The following OSBPL2 variants were observed in gnomAD, a reference collection of about 807,000 sequenced individuals.
The protein encoded by OSBPL2 is oxysterol-binding protein-related protein 2.
OSBPL2 carries 18 observed loss-of-function variants against 58.4 expected under a neutral mutation model. The ratio of observed to expected loss-of-function variants is 0.31; its 90% CI spans 0.21 to 0.46. The LOEUF (loss-of-function observed/expected upper bound fraction) is 0.46. OSBPL2 is among the 20% of genes least tolerant of loss of function. The pLI is 1.00. For missense variants in OSBPL2, 461 were observed against 616.5 expected, an observed-to-expected ratio of 0.75 and a Z score of 2.67; for synonymous variants, 221 against 234.1, an observed-to-expected ratio of 0.94 and a Z score of 0.51.
chr20:62,291,937 C>CACACCTGGGGACGGGGGGGAGG (rs1983550226), intron 13 of OSBPL2, 144 bp downstream of exon 13: 1 of 585,792 alleles, frequency 1.7e-6, no homozygotes, highest in Non-Finnish European at 3.0e-6. Context: ...CCTTCTCTCA[C>CACACCTGGGGACGGGGGGGAGG]CCCCACACCC....
At chr20:62,276,806 T>C (rs539109492) in intron 6 of OSBPL2, among the ~76,000 whole-genome samples, 1 of 152,204 alleles carries the variant, frequency 6.6e-6, no homozygotes, top group Non-Finnish European at 1.5e-5. Flanking sequence ...TCTGAATTCA[T>C]GTAGAGTGTG....
chr20:62,283,625 A>T (rs1232458437), intron 9 of OSBPL2, among the ~76,000 whole-genome samples: 1 of 152,158 alleles, frequency 6.6e-6, no homozygotes, highest in Non-Finnish European at 1.5e-5. Flanking sequence ...CAACACATTG[A>T]GTGTGTTGAA....
chr20:62,272,301 G>A (rs199933202), intron 5 of OSBPL2, 42 bp downstream of exon 5: 76 of 1,602,040 alleles, frequency 4.7e-5, no homozygotes, highest in Non-Finnish European at 6.0e-5. Flanking sequence ...TCATGAAAGT[G>A]ATGCCCCTTG....
chr20:62,291,374 G>C, intron 12 of OSBPL2: 2 of 386,100 alleles, frequency 5.2e-6, no homozygotes, highest in Non-Finnish European at 1.0e-5. Context: ...CTGAGCGCCT[G>C]CTCGCACACC....
At chr20:62,264,510 C>G (rs1460607674) in intron 4 of OSBPL2, 3 of 152,254 alleles carry the variant, frequency 2.0e-5, no homozygotes, top group African/African-American at 7.2e-5. Flanking sequence ...ATACGTGTCA[C>G]TCTTGCCCAG....
chr20:62,254,175 C>A (rs1980764568), intron 1 of OSBPL2, among the ~76,000 whole-genome samples: 1 of 152,206 alleles, frequency 6.6e-6, no homozygotes, highest in African/African-American at 2.4e-5. Context: ...ACAGTCCCAC[C>A]ACCTCTCAAA....
intron 4 of OSBPL2, among the ~76,000 whole-genome samples, chr20:62,264,175 A>G (rs1417415832): frequency 2.6e-5 from 4 of 152,188 alleles, no homozygotes; most frequent in African/African-American, 7.2e-5. Context: ...GGTGTTCTGT[A>G]GGTGAAACGG....
chr20:62,275,959 G>T (rs1400096701), intron 6 of OSBPL2, among the ~76,000 whole-genome samples: 1 of 149,578 alleles, frequency 6.7e-6, no homozygotes, highest in Non-Finnish European at 1.5e-5. Context: ...GCCCAGGCTG[G>T]AGGGCAGTGG....
intron 1 of OSBPL2, among the ~76,000 whole-genome samples, chr20:62,255,412 G>A (rs774162204): frequency 2.6e-5 from 4 of 151,364 alleles, no homozygotes; most frequent in African/African-American, 9.7e-5. Flanking sequence ...CACACCCTGC[G>A]CCCATGACTT....
intron 13 of OSBPL2, among the ~76,000 whole-genome samples, chr20:62,292,237 G>T (rs1443008522): frequency 6.6e-6 from 1 of 152,256 alleles, no homozygotes; most frequent in Non-Finnish European, 1.5e-5. Flanking sequence ...AACACAGCTG[G>T]TGAGTGTATG....
intron 6 of OSBPL2, among the ~76,000 whole-genome samples, chr20:62,277,350 C>G (rs1195267437): frequency 6.6e-6 from 1 of 152,270 alleles, no homozygotes; most frequent in Non-Finnish European, 1.5e-5. Flanking sequence ...GCCGCCTGGG[C>G]TGGGTAGAGC....
At chr20:62,239,572 T>A (rs1381116871) in intron 1 of OSBPL2, among the ~76,000 whole-genome samples, 1 of 152,224 alleles carries the variant, frequency 6.6e-6, no homozygotes, top group African/African-American at 2.4e-5. Flanking sequence ...CCGGAACACC[T>A]GGAGAAGGGG....
chr20:62,294,188 T>A lies in OSBPL2; in HGVS notation c.*301T>A. 2.2e-6 allele frequency: 1 copy of A among 458,266 alleles called. No individual in the cohort carries two copies. 28.4% of individuals were successfully genotyped at this position (458,266 alleles called of 1,614,324 possible). A position where few individuals can be genotyped will look rare whatever the true frequency, so the allele number is the denominator to read the frequency against. Reference sequence around the variant, plus strand: ...GAAATCAGCTGGGGCTTGTTTAGCTTCCAGCACACTCTCAGTCATAGCATG... The same window carrying A: ...GAAATCAGCTGGGGCTTGTTTAGCTACCAGCACACTCTCAGTCATAGCATG... On this transcript the variant is annotated 3_prime_UTR_variant, in exon 14 of 14. Coordinates refer to ENST00000313733, the MANE Select transcript of OSBPL2 (RefSeq NM_144498.4).
At chr20:62,261,336 A>AAG (rs397742281) in intron 3 of OSBPL2, among the ~76,000 whole-genome samples, 72 of 149,450 alleles carry the variant, frequency 4.8e-4, no homozygotes, top group Non-Finnish European at 3.9e-4. Flanking sequence ...AAAAAAAAAA[A>AAG]GGCACAAAGG....
intron 1 of OSBPL2, chr20:62,242,285 G>A (rs976456401): frequency 2.0e-5 from 3 of 152,226 alleles, no homozygotes; most frequent in African/African-American, 2.4e-5. Context: ...CACTGTTTGC[G>A]TGAACTTTTT....
At position 62,273,252 on chromosome 20, in the gene OSBPL2, TCTC is replaced by T. The variant is rs1054686567; in HGVS notation, c.394-55_394-53del. On this transcript the variant is annotated intron_variant, in intron 5 of 13. Coordinates refer to ENST00000313733, the MANE Select transcript of OSBPL2 (RefSeq NM_144498.4). ...CACCGCCCTCCACAAGAGGCCATCT[TCTC>T]CAGCGCGTTTCCTAACTGAAGCTGT... 83 of 1,398,760 alleles carry T rather than the reference TCTC, an allele frequency of 5.9e-5. 1 individual carries two copies. In the African/African-American group the frequency reaches 7.5e-4, roughly 13 times the overall value. The allele number at this position is 1,398,760 out of a possible 1,614,324, so 86.6% of individuals were successfully genotyped here. A position where few individuals can be genotyped will look rare whatever the true frequency, so the allele number is the denominator to read the frequency against.
intron 1 of OSBPL2, among the ~76,000 whole-genome samples, chr20:62,239,308 C>A (rs1198774257): frequency 2.6e-5 from 4 of 152,234 alleles, no homozygotes; most frequent in African/African-American, 7.2e-5. Context: ...TTCCTTCTTT[C>A]GCCAGTTATA....
chr20:62,278,829 GTGTC>G, intron 6 of OSBPL2: 1 of 279,564 alleles, frequency 3.6e-6, no homozygotes, highest in Non-Finnish European at 6.6e-6. Context: ...GTTTGTGTGT[GTGTC>G]TGTTGCCGTT....
intron 10 of OSBPL2, 73 bp from the exon 11 acceptor site, chr20:62,286,510 C>CT: frequency 6.5e-7 from 1 of 1,535,550 alleles, no homozygotes; most frequent in South Asian, 1.2e-5. Context: ...GAAAGGCGCT[C>CT]TGAGAATAGC....
Sources: allele counts gnomAD v4.1 joint callset (sites outside exome capture counted in the v4.1 genomes callset), GRCh38; gene constraint gnomAD v4.1.1; transcripts MANE v1.5; gene names NCBI Gene and HGNC (gene_info 2026-07-23, HGNC 2026-07-21).